Variants in MTNR1A observed in about 807,000 individuals in gnomAD.
MTNR1A encodes the protein melatonin receptor type 1A.
In MTNR1A, 7 loss-of-function variants were observed where a neutral mutation model predicts 5.5. That is an observed-to-expected ratio of 1.28 (90% CI 0.73 to 2.40). The LOEUF is 2.40. Among genes scored for constraint, MTNR1A ranks in the 30% most tolerant of loss-of-function variants. MTNR1A has a pLI of 0.00. For missense variants in MTNR1A, 441 were observed against 464.4 expected, an observed-to-expected ratio of 0.95 and a Z score of 0.46; for synonymous variants, 196 against 202.7, an observed-to-expected ratio of 0.97 and a Z score of 0.28.
intron 1 of MTNR1A, among the ~76,000 whole-genome samples, chr4:186,537,384 T>C (rs1579246139): frequency 1.3e-5 from 2 of 152,332 alleles, no homozygotes; most frequent in East Asian, 3.9e-4. Context: ...TCTATTCCAT[T>C]CTCAAATCTA....
At chr4:186,541,351 C>T (rs1018048245) in intron 1 of MTNR1A, among the ~76,000 whole-genome samples, 2 of 152,182 alleles carry the variant, frequency 1.3e-5, no homozygotes, top group Non-Finnish European at 2.9e-5. Flanking sequence ...TAGATCTGCA[C>T]TGATTAATGG....
chr4:186,534,644 C>A, intron 1 of MTNR1A, 87 bp from the exon 2 acceptor site: 1 of 1,507,846 alleles, frequency 6.6e-7, no homozygotes, highest in Non-Finnish European at 9.1e-7. Flanking sequence ...GCTGCTTCTG[C>A]AGCTCCGATG....
At chr4:186,538,294 G>A (rs1018668531) in intron 1 of MTNR1A, among the ~76,000 whole-genome samples, 1 of 152,198 alleles carries the variant, frequency 6.6e-6, no homozygotes, top group African/African-American at 2.4e-5. Flanking sequence ...TGTCAACTTC[G>A]CGAAGCTGAA....
rs1047049389 is a variant in MTNR1A, at chr4:186,548,820, TATATATATATATATATATATATATATAC to T, written c.184+6334_184+6361del. On this transcript the variant is annotated intron_variant, in intron 1 of 1. Transcript: ENST00000307161. ...TGCTTAATCTATAAAGATATATATA[TATATATATATATATATATATATATATAC>T]ACTATATATGTAAAACAATCTTTTA... 2.3e-4 allele frequency among the ~76,000 whole-genome samples: 18 copies of T among 77,698 alleles called. 1 individual carries two copies. The highest frequency in any genetic ancestry group is 3.5e-4 in the Non-Finnish European group (14 of 39,758). The allele number at this position is 77,698 out of a possible 152,430, so 51.0% of individuals were successfully genotyped here.
At chr4:186,535,278 G>T (rs1028052939) in intron 1 of MTNR1A, among the ~76,000 whole-genome samples, 19 of 151,730 alleles carry the variant, frequency 1.3e-4, no homozygotes, top group African/African-American at 4.6e-4. Context: ...TTGAACCAAA[G>T]GAAAATGCAG....
intron 1 of MTNR1A, among the ~76,000 whole-genome samples, chr4:186,540,688 GGACCAGGTGCTGTCTGTCT>G (rs1736996088): frequency 2.0e-5 from 3 of 150,182 alleles, no homozygotes; most frequent in Non-Finnish European, 2.9e-5. Flanking sequence ...ACTGACTGAA[GGACCAGGTGCTGTCTGTCT>G]GAAGGACCAG....
chr4:186,537,822 A>G (rs1351530488), intron 1 of MTNR1A, among the ~76,000 whole-genome samples: 2 of 152,256 alleles, frequency 1.3e-5, no homozygotes, highest in African/African-American at 4.8e-5. Flanking sequence ...CTCTCCAGGC[A>G]CAATTCTGAA....
chr4:186,545,521 C>A (rs774587428), intron 1 of MTNR1A, among the ~76,000 whole-genome samples: 1 of 152,114 alleles, frequency 6.6e-6, no homozygotes, highest in Non-Finnish European at 1.5e-5. Context: ...ATTGAATTAA[C>A]GCACCCTTTG....
chr4:186,552,601 G>A (rs1022192659), intron 1 of MTNR1A, among the ~76,000 whole-genome samples: 36 of 152,152 alleles, frequency 2.4e-4, no homozygotes, highest in Admixed American at 2.0e-3. Context: ...ACAGTATTAC[G>A]TGTTTTATCC....
At chr4:186,537,277 G>A (rs907535004) in intron 1 of MTNR1A, among the ~76,000 whole-genome samples, 1 of 152,016 alleles carries the variant, frequency 6.6e-6, no homozygotes, top group African/African-American at 2.4e-5. Flanking sequence ...GTGTCTGGGC[G>A]GAGAAGGAAA....
intron 1 of MTNR1A, among the ~76,000 whole-genome samples, chr4:186,539,444 T>C (rs1736955910): frequency 6.6e-6 from 1 of 152,190 alleles, no homozygotes; most frequent in African/African-American, 2.4e-5. Flanking sequence ...TCTGATCCAA[T>C]GGCTATGGTC....
At chr4:186,548,317 A>G (rs1737197313) in intron 1 of MTNR1A, among the ~76,000 whole-genome samples, 1 of 152,206 alleles carries the variant, frequency 6.6e-6, no homozygotes, top group African/African-American at 2.4e-5. Flanking sequence ...TGAAAGTTAA[A>G]TCAATGACAG....
At chr4:186,536,556 C>T (rs765604153) in intron 1 of MTNR1A, among the ~76,000 whole-genome samples, 41 of 152,026 alleles carry the variant, frequency 2.7e-4, no homozygotes, top group Non-Finnish European at 5.3e-4. Flanking sequence ...CTCGTGAGTA[C>T]ATTTCCTCAT....
chr4:186,542,350 A>C (rs924267366), intron 1 of MTNR1A, among the ~76,000 whole-genome samples: 3 of 152,154 alleles, frequency 2.0e-5, no homozygotes, highest in Non-Finnish European at 4.4e-5. Flanking sequence ...CCTAACACCC[A>C]CGGACGTACA....
intron 1 of MTNR1A, among the ~76,000 whole-genome samples, chr4:186,535,579 T>C (rs932162443): frequency 9.2e-5 from 14 of 151,884 alleles, no homozygotes; most frequent in African/African-American, 3.1e-4. Flanking sequence ...ACCCGGCTCG[T>C]TTTTGTATTT....
At chr4:186,545,067 T>C (rs532794831) in intron 1 of MTNR1A, among the ~76,000 whole-genome samples, 1 of 152,252 alleles carries the variant, frequency 6.6e-6, no homozygotes, top group East Asian at 1.9e-4. Context: ...CCTGCCCTGA[T>C]CTGCTCTCCT....
At chr4:186,553,973 A>G (rs1486344165) in intron 1 of MTNR1A, among the ~76,000 whole-genome samples, 1 of 152,126 alleles carries the variant, frequency 6.6e-6, no homozygotes, top group Non-Finnish European at 1.5e-5. Context: ...TCTCCTCTGT[A>G]AGGCGAGTTG....
intron 1 of MTNR1A, among the ~76,000 whole-genome samples, chr4:186,541,497 C>G (rs1737022931): frequency 6.6e-6 from 1 of 151,464 alleles, no homozygotes; most frequent in Admixed American, 6.6e-5. Context: ...TGACCATTAG[C>G]CACTGATCTA....
intron 1 of MTNR1A, among the ~76,000 whole-genome samples, chr4:186,546,815 C>T (rs1310813286): frequency 2.6e-5 from 4 of 150,956 alleles, no homozygotes; most frequent in Admixed American, 2.6e-4. Context: ...CACACCACAC[C>T]CTGTTCGTGG....
Sources: allele counts gnomAD v4.1 joint callset (sites outside exome capture counted in the v4.1 genomes callset), GRCh38; gene constraint gnomAD v4.1.1; transcripts MANE v1.5; gene names NCBI Gene and HGNC (gene_info 2026-07-23, HGNC 2026-07-21).